The following CFAP210 variants were observed in gnomAD, a reference collection of about 807,000 sequenced individuals.
CFAP210 encodes cilia- and flagella- associated protein 210.
chr2:169,670,427 G>A, the CFAP210 span, among the ~76,000 whole-genome samples: 3 of 152,312 alleles, frequency 2.0e-5, no homozygotes, highest in African/African-American at 7.2e-5. Flanking sequence ...CACAGGGCCA[G>A]CAGCTGTGCA....
At chr2:169,676,480 C>T in the CFAP210 span, among the ~76,000 whole-genome samples, 2 of 152,024 alleles carry the variant, frequency 1.3e-5, no homozygotes, top group East Asian at 3.9e-4. Flanking sequence ...GTAGAGTTTA[C>T]AAATGCATAC....
the CFAP210 span, among the ~76,000 whole-genome samples, chr2:169,693,903 A>G: frequency 1.7e-4 from 26 of 152,336 alleles, no homozygotes; most frequent in Non-Finnish European, 2.8e-4. Flanking sequence ...AGTGAATAAC[A>G]AACTTTAAGC....
chr2:169,694,332 C>G, the CFAP210 span: 3 of 1,613,774 alleles, frequency 1.9e-6, no homozygotes, highest in African/African-American at 4.0e-5. Flanking sequence ...GTCCATGATG[C>G]TCCTAGATCT....
chr2:169,657,467 C>T, the CFAP210 span, among the ~76,000 whole-genome samples: 1 of 152,156 alleles, frequency 6.6e-6, no homozygotes, highest in Non-Finnish European at 1.5e-5. Flanking sequence ...CTTGTAATCA[C>T]AGCACTTCAG....
At chr2:169,645,904 A>G in the CFAP210 span, 11 of 1,613,834 alleles carry the variant, frequency 6.8e-6, no homozygotes, top group Non-Finnish European at 9.3e-6. Context: ...CCTGAGAGTT[A>G]TAAAAAGGGA....
the CFAP210 span, among the ~76,000 whole-genome samples, chr2:169,656,356 G>GA: frequency 9.5e-5 from 11 of 116,286 alleles, no homozygotes; most frequent in Admixed American, 3.9e-4. Flanking sequence ...GGAAGAGGAG[G>GA]AAAAAGGAAG....
chr2:169,672,020 T>A, the CFAP210 span, among the ~76,000 whole-genome samples: 1 of 152,260 alleles, frequency 6.6e-6, no homozygotes, highest in African/African-American at 2.4e-5. Context: ...TTAATACCAG[T>A]GCTACTATTC....
the CFAP210 span, among the ~76,000 whole-genome samples, chr2:169,663,527 G>A: frequency 1.3e-5 from 2 of 151,940 alleles, no homozygotes; most frequent in African/African-American, 4.8e-5. Flanking sequence ...GCACCCAATC[G>A]AGAAAACATT....
the CFAP210 span, chr2:169,645,695 T>C: frequency 1.6e-6 from 1 of 619,850 alleles, no homozygotes; most frequent in Non-Finnish European, 2.7e-6. Flanking sequence ...GTTTTATATA[T>C]ACCCAAAAGA....
At chr2:169,653,599 A>AT in the CFAP210 span, among the ~76,000 whole-genome samples, 61,913 of 151,918 alleles carry the variant, frequency 0.41, 12,905 homozygotes, top group Non-Finnish European at 0.44. Context: ...CATTTTAAAA[A>AT]TTGTACTTAA....
the CFAP210 span, among the ~76,000 whole-genome samples, chr2:169,671,522 A>G: frequency 6.6e-6 from 1 of 152,188 alleles, no homozygotes; most frequent in African/African-American, 2.4e-5. Flanking sequence ...AGGCTGGAGT[A>G]CAATGGCACG....
At chr2:169,655,273 C>T in the CFAP210 span, among the ~76,000 whole-genome samples, 3 of 152,164 alleles carry the variant, frequency 2.0e-5, no homozygotes, top group African/African-American at 7.2e-5. Context: ...GCTGGGGCTA[C>T]AGGCACGAGC....
At chr2:169,647,483 C>G in the CFAP210 span, among the ~76,000 whole-genome samples, 3 of 152,014 alleles carry the variant, frequency 2.0e-5, no homozygotes, top group Admixed American at 1.3e-4. Flanking sequence ...AAAGTACCTT[C>G]GAAGTACATT....
chr2:169,648,126 G>A, the CFAP210 span: 1,409 of 159,592 alleles, frequency 8.8e-3, 13 homozygotes, highest in Admixed American at 0.02. Context: ...TCATGCCACT[G>A]CACTCCAGCC....
At chr2:169,659,885 G>A in the CFAP210 span, among the ~76,000 whole-genome samples, 3 of 152,262 alleles carry the variant, frequency 2.0e-5, no homozygotes, top group Non-Finnish European at 4.4e-5. Flanking sequence ...TTGATAGGTT[G>A]TATGTGTCTA....
the CFAP210 span, among the ~76,000 whole-genome samples, chr2:169,665,766 G>C: frequency 6.6e-6 from 1 of 152,180 alleles, no homozygotes; most frequent in Non-Finnish European, 1.5e-5. Context: ...GCTTGTGGTA[G>C]TTGAGTACAG....
chr2:169,679,680 C>CAAAAAAAA, the CFAP210 span, among the ~76,000 whole-genome samples: 3 of 57,478 alleles, frequency 5.2e-5, no homozygotes, highest in East Asian at 5.9e-4. Context: ...GACTCCATCT[C>CAAAAAAAA]AAAAAAAAAA....
the CFAP210 span, among the ~76,000 whole-genome samples, chr2:169,672,642 T>C: frequency 6.6e-6 from 1 of 152,134 alleles, no homozygotes; most frequent in East Asian, 1.9e-4. Context: ...CTGGCACCAA[T>C]AGATAAGGAA....
the CFAP210 span, chr2:169,645,917 T>G: frequency 2.5e-6 from 4 of 1,613,992 alleles, no homozygotes; most frequent in South Asian, 1.1e-5. Context: ...AAAAGGGAGC[T>G]GGACTCCAGT....
Sources: gnomAD v4.1 joint callset for allele counts (sites outside exome capture counted in the v4.1 genomes callset) on GRCh38, gnomAD v4.1.1 for gene constraint, MANE v1.5 for transcripts, NCBI Gene and HGNC (gene_info 2026-07-23, HGNC 2026-07-21) for gene names.